Variants in CTXND1 observed in about 807,000 individuals in gnomAD.
CTXND1 encodes the protein cortexin domain containing 1.
intron 1 of CTXND1, among the ~76,000 whole-genome samples, chr15:80,242,973 G>A (rs540768623): frequency 6.6e-6 from 1 of 152,194 alleles, no homozygotes; most frequent in Middle Eastern, 3.2e-3. Context: ...AAACTTTGTT[G>A]CACAGGCAGG....
intron 1 of CTXND1, among the ~76,000 whole-genome samples, chr15:80,232,156 G>C (rs1893438986): frequency 6.6e-6 from 1 of 152,154 alleles, no homozygotes; most frequent in Admixed American, 6.5e-5. Context: ...ACGTGCAACT[G>C]ATCAATGGAG....
At chr15:80,204,169 A>AT (rs1234248641) in intron 1 of CTXND1, among the ~76,000 whole-genome samples, 18 of 65,192 alleles carry the variant, frequency 2.8e-4, no homozygotes, top group African/African-American at 1.3e-3. Context: ...AAAAAAAAAA[A>AT]ATATATATAT....
At chr15:80,251,505 A>G (rs117866855) in intron 1 of CTXND1, among the ~76,000 whole-genome samples, 1,707 of 152,332 alleles carry the variant, frequency 0.011, 18 homozygotes, top group Middle Eastern at 0.024. Context: ...TGTCAGCCAC[A>G]GGAGAGGGAA....
At chr15:80,246,802 G>T (rs1893636480) in intron 1 of CTXND1, among the ~76,000 whole-genome samples, 1 of 152,316 alleles carries the variant, frequency 6.6e-6, no homozygotes, top group East Asian at 1.9e-4. Flanking sequence ...GGAAGTTGCG[G>T]TTCAGGGATC....
intron 1 of CTXND1, among the ~76,000 whole-genome samples, chr15:80,228,494 C>A (rs1007297463): frequency 6.6e-6 from 1 of 152,152 alleles, no homozygotes; most frequent in Non-Finnish European, 1.5e-5. Context: ...CTGGGCTTAT[C>A]CAAGGGCCCC....
rs1370868447 is a variant in CTXND1 at position 80,198,626 on chromosome 15, A to G, written c.*3144T>C. 2 of 152,182 alleles carry G rather than the reference A, an allele frequency of 1.3e-5. No individual in the cohort carries two copies. The highest frequency in any genetic ancestry group is 1.3e-4 in the Admixed American group (2 of 15,280). The allele number at this position is 152,182 out of a possible 1,614,324, so 9.4% of individuals were successfully genotyped here. A position where few individuals can be genotyped will look rare whatever the true frequency, so the allele number is the denominator to read the frequency against. On this transcript the variant is annotated 3_prime_UTR_variant, in exon 3 of 3. Coordinates refer to ENST00000560778, the MANE Select transcript of CTXND1 (RefSeq NM_001352888.2). ...TTCCAGTTGCTTTTTTCTCCTTAAT[A>G]TGATCCAGTTCTTAGACAGGTCTCC...
chr15:80,244,949 A>G (rs184162382), intron 1 of CTXND1, among the ~76,000 whole-genome samples: 1 of 152,264 alleles, frequency 6.6e-6, no homozygotes, highest in African/African-American at 2.4e-5. Context: ...TGGGTTTTGA[A>G]TCTCAGCCCA....
chr15:80,230,273 C>T (rs185533517), intron 1 of CTXND1, among the ~76,000 whole-genome samples: 15 of 152,244 alleles, frequency 9.9e-5, no homozygotes, highest in South Asian at 2.1e-4. Context: ...TCTTGGAAGG[C>T]GGGGGCGGTG....
intron 1 of CTXND1, among the ~76,000 whole-genome samples, chr15:80,205,050 T>C (rs555384673): frequency 6.6e-6 from 1 of 152,334 alleles, no homozygotes; most frequent in Non-Finnish European, 1.5e-5. Flanking sequence ...ATTTTATTCT[T>C]ATACAGGAAA....
chr15:80,221,789 T>C (rs1370365905), intron 1 of CTXND1, among the ~76,000 whole-genome samples: 1 of 152,244 alleles, frequency 6.6e-6, no homozygotes, highest in Non-Finnish European at 1.5e-5. Context: ...CTGCATGCCA[T>C]AGATTTTGGA....
intron 1 of CTXND1, among the ~76,000 whole-genome samples, chr15:80,220,930 A>G (rs932035040): frequency 6.1e-5 from 9 of 146,744 alleles, no homozygotes; most frequent in Non-Finnish European, 7.5e-5. Flanking sequence ...TTTTTTTGAG[A>G]CAGAGTCTCG....
At chr15:80,236,417 G>A (rs944492373) in intron 1 of CTXND1, among the ~76,000 whole-genome samples, 1 of 152,214 alleles carries the variant, frequency 6.6e-6, no homozygotes, top group African/African-American at 2.4e-5. Flanking sequence ...AGTTGGGACA[G>A]ACACTACCTA....
chr15:80,243,097 G>A (rs561538761), intron 1 of CTXND1, among the ~76,000 whole-genome samples: 5 of 152,256 alleles, frequency 3.3e-5, no homozygotes, highest in South Asian at 2.1e-4. Context: ...GAAGGAAGCC[G>A]TGCCAAGTGC....
At chr15:80,207,526 A>T (rs1202083067) in intron 1 of CTXND1, among the ~76,000 whole-genome samples, 2 of 152,174 alleles carry the variant, frequency 1.3e-5, no homozygotes, top group African/African-American at 4.8e-5. Context: ...TCCTTATTTG[A>T]TAACTCCAAT....
Position 80,241,134 on chromosome 15 carries a change from C to T in CTXND1, c.-218+10873G>A, listed in dbSNP as rs566022865. On this transcript the variant is annotated intron_variant, in intron 1 of 2. Transcript: ENST00000560778. ...TAAACAAAGAGATGGGGGCAACTAC[C>T]GGCCAACAAGAGCTAAGCGATGGAG... Among the ~76,000 whole-genome samples, 24 of 152,276 alleles carry T rather than the reference C, an allele frequency of 1.6e-4. No homozygotes were observed. The South Asian group carries it at 4.6e-3, about 29-fold the overall frequency.
chr15:80,232,715 G>A lies in CTXND1; in HGVS notation c.-218+19292C>T, dbSNP rs139765480. 4.0e-3 allele frequency among the ~76,000 whole-genome samples: 606 copies of A among 152,228 alleles called. 3 individuals carry two copies. The highest frequency in any genetic ancestry group is 7.5e-3 in the Non-Finnish European group (511 of 68,016). On this transcript the variant is annotated intron_variant, in intron 1 of 2. Coordinates refer to ENST00000560778, the MANE Select transcript of CTXND1 (RefSeq NM_001352888.2). Reference sequence around the variant, plus strand: ...CTCCATCTCCCCAAAGCACCAGCAGGTAGTTTCTCTTTCACAAGACAGTCA... The same window carrying A: ...CTCCATCTCCCCAAAGCACCAGCAGATAGTTTCTCTTTCACAAGACAGTCA...
chr15:80,196,040 C>T lies in CTXND1; in HGVS notation c.*5730G>A, dbSNP rs1179953394. 1 of 152,124 alleles carries T rather than the reference C, an allele frequency of 6.6e-6. No homozygotes were observed. The allele number at this position is 152,124 out of a possible 1,614,324, so 9.4% of individuals were successfully genotyped here. ...CCAAGGGAAAGTGGGGTTTCTGCTA[C>T]ACAATAGGGGCAAGGAGTACTAGCT... On this transcript the variant is annotated 3_prime_UTR_variant, in exon 3 of 3. Transcript: ENST00000560778.
chr15:80,251,857 C>T (rs1380988095), intron 1 of CTXND1, 150 bp downstream of exon 1: 1 of 152,044 alleles, frequency 6.6e-6, no homozygotes, highest in African/African-American at 2.4e-5. Flanking sequence ...GTCTCCTCGC[C>T]GCCGCGGCAG....
chr15:80,242,260 C>T (rs2141464501), intron 1 of CTXND1, among the ~76,000 whole-genome samples: 1 of 152,356 alleles, frequency 6.6e-6, no homozygotes, highest in African/African-American at 2.4e-5. Context: ...GGTGTCCACT[C>T]TGTGCTTTCA....
Sources: gnomAD v4.1 joint callset for allele counts (sites outside exome capture counted in the v4.1 genomes callset) on GRCh38, gnomAD v4.1.1 for gene constraint, MANE v1.5 for transcripts, NCBI Gene and HGNC (gene_info 2026-07-23, HGNC 2026-07-21) for gene names.